Variants in ETS1 observed in about 807,000 individuals in gnomAD.
ETS1 encodes protein C-ets-1.
Under a neutral mutation model 58.6 loss-of-function variants are expected in ETS1, and 15 were observed. That is an observed-to-expected ratio of 0.26 (90% CI 0.17 to 0.39). The LOEUF (loss-of-function observed/expected upper bound fraction) is 0.39. ETS1 is among the 10% of genes least tolerant of loss of function. The probability of loss-of-function intolerance (pLI) is 1.00; values close to 1 mark genes in which losing one functional copy is unlikely to be tolerated. For synonymous variants in ETS1, 214 were observed against 218.2 expected, an observed-to-expected ratio of 0.98 and a Z score of 0.17; for missense variants, 417 against 610.5, an observed-to-expected ratio of 0.68 and a Z score of 3.34.
At chr11:128,585,984 CT>C (rs993557609) in intron 1 of ETS1, among the ~76,000 whole-genome samples, 3 of 152,182 alleles carry the variant, frequency 2.0e-5, no homozygotes, top group African/African-American at 4.8e-5. Context: ...GATCCCACCC[CT>C]CTACCAGCTT....
chr11:128,509,074 C>T (rs1259740351), intron 3 of ETS1, among the ~76,000 whole-genome samples: 1 of 152,158 alleles, frequency 6.6e-6, no homozygotes, highest in Non-Finnish European at 1.5e-5. Flanking sequence ...TCGGTTCACC[C>T]AGCACCCCAG....
At position 128,471,943 on chromosome 11, in the gene ETS1, T is replaced by C. The variant is rs146177375; in HGVS notation, c.1123+8248A>G. Among the ~76,000 whole-genome samples the C allele has an allele frequency of 4.6e-5, 7 of 152,340 alleles. No homozygotes were observed. The East Asian group carries it at 7.7e-4, about 17-fold the overall frequency. ...GAGAGAAATCACTAGTTAGGTATAA[T>C]AGAATCCTTGGAAGGTAGTTGAACT... On this transcript the variant is annotated intron_variant, in intron 8 of 9. Coordinates refer to ENST00000392668, the MANE Select transcript of ETS1 (RefSeq NM_001143820.2).
chr11:128,571,823 A>G (rs999904085), intron 2 of ETS1: 1 of 152,146 alleles, frequency 6.6e-6, no homozygotes, highest in Non-Finnish European at 1.5e-5. Flanking sequence ...TGGATGGATC[A>G]CCCGAGGTCA....
chr11:128,568,270 G>A (rs1490062948), intron 2 of ETS1, among the ~76,000 whole-genome samples: 1 of 152,136 alleles, frequency 6.6e-6, no homozygotes, highest in Admixed American at 6.5e-5. Flanking sequence ...TCCCAGGCTG[G>A]GCCATGTTTA....
Position 128,489,603 on chromosome 11 carries a change from T to C in ETS1, c.335-113A>G, listed in dbSNP as rs537011971. 30 of 808,564 alleles carry C rather than the reference T, an allele frequency of 3.7e-5. No homozygotes were observed. The East Asian group carries it at 7.3e-4, about 20-fold the overall frequency. The allele number at this position is 808,564 out of a possible 1,614,324, so 50.1% of individuals were successfully genotyped here. A position where few individuals can be genotyped will look rare whatever the true frequency, so the allele number is the denominator to read the frequency against. On this transcript the variant is annotated intron_variant, in intron 4 of 9. Transcript: ENST00000392668. ...TAGCTGAGAATGCTATCTTTATTCA[T>C]CGAATGAGGAAGCATCAGCCTAGCC... is the stretch of plus-strand genomic sequence containing the variant.
rs939211655 is a variant in ETS1 at position 128,463,255 on chromosome 11, C to G, written c.1242+254G>C. Among the ~76,000 whole-genome samples the G allele has an allele frequency of 6.6e-6, 1 of 152,212 alleles. No homozygotes were observed. The highest frequency in any genetic ancestry group is 2.4e-5 in the African/African-American group (1 of 41,466). ...CAGGAGGCAGCTCTATGGGTGATAACTGACCTACTGCCAGGCACGTTAATG... is the reference window on the plus strand; with the variant it reads ...CAGGAGGCAGCTCTATGGGTGATAAGTGACCTACTGCCAGGCACGTTAATG... On this transcript the variant is annotated intron_variant, in intron 9 of 9. Transcript: ENST00000392668. The surrounding 1 kb of genome is among the most constrained non-coding windows in gnomAD (Gnocchi z 4.1).
rs751923211 is a variant in ETS1, at chr11:128,485,037, T to C, written c.648A>G (p.Pro216=). Residue 216 remains proline (P), a synonymous_variant, in exon 7 of 10, where the codon CCA becomes CCG. Coordinates refer to ENST00000392668, the MANE Select transcript of ETS1 (RefSeq NM_001143820.2). ...YGIEHAQCVP[P]SEFSEPSFIT... The stretch of plus-strand genomic sequence containing the variant: ...TGAAGCTGGGCTCTGAGAACTCCGA[T>C]GGTGGAACACACTGGGCATGCTCAA... 1.2e-6 allele frequency: 2 copies of C among 1,614,012 alleles called. No individual in the cohort carries two copies. The highest frequency in any genetic ancestry group is 2.2e-5 in the East Asian group (1 of 44,884).
intron 5 of ETS1, 73 bp from the exon 6 acceptor site, chr11:128,486,219 T>C: frequency 2.2e-6 from 2 of 906,842 alleles, no homozygotes; most frequent in Admixed American, 1.9e-5. Flanking sequence ...GGATCTTGGA[T>C]GCAAAGACCA....
chr11:128,522,421 G>C (rs1451365030), intron 3 of ETS1: 2 of 893,678 alleles, frequency 2.2e-6, no homozygotes, highest in Non-Finnish European at 2.7e-6. Context: ...GCCGGGCGAT[G>C]TCCGCTTGGG....
chr11:128,503,172 T>TTTC (rs1413002888), intron 3 of ETS1, among the ~76,000 whole-genome samples: 1 of 152,254 alleles, frequency 6.6e-6, no homozygotes, highest in Non-Finnish European at 1.5e-5. Context: ...TAAGATTTTT[T>TTTC]TTCTCTTTTT....
At position 128,577,097 on chromosome 11, in the gene ETS1, C is replaced by T. The variant is rs1864766846; in HGVS notation, c.-14-3953G>A. Reference sequence around the variant, plus strand: ...TCATTTTTGTCTTCAGCACTTAAGACAGACCATGGGGCATAATGGAAACTC... The same window carrying T: ...TCATTTTTGTCTTCAGCACTTAAGATAGACCATGGGGCATAATGGAAACTC... On this transcript the variant is annotated intron_variant, in intron 1 of 9. Coordinates refer to ENST00000392668, the MANE Select transcript of ETS1 (RefSeq NM_001143820.2). Among the ~76,000 whole-genome samples, 2 of 152,166 alleles carry T rather than the reference C, an allele frequency of 1.3e-5. 1 individual carries two copies. The highest frequency in any genetic ancestry group is 4.1e-4 in the South Asian group (2 of 4,834).
intron 3 of ETS1, among the ~76,000 whole-genome samples, chr11:128,513,371 G>A (rs1425072807): frequency 2.0e-5 from 3 of 152,168 alleles, no homozygotes. Context: ...AAAATGAGGT[G>A]CATAAAAATG....
At chr11:128,551,299 G>A (rs1439566368) in intron 3 of ETS1, among the ~76,000 whole-genome samples, 1 of 152,184 alleles carries the variant, frequency 6.6e-6, no homozygotes, top group Non-Finnish European at 1.5e-5. Flanking sequence ...TGTGCTTCCT[G>A]CTGAGACATC....
At chr11:128,479,325 C>A (rs978909476) in intron 8 of ETS1, among the ~76,000 whole-genome samples, 5 of 152,196 alleles carry the variant, frequency 3.3e-5, no homozygotes, top group Non-Finnish European at 5.9e-5. Flanking sequence ...TCTGAGTAAT[C>A]AAAGCTACTT....
intron 2 of ETS1, among the ~76,000 whole-genome samples, chr11:128,563,947 C>G (rs866167835): frequency 6.6e-6 from 1 of 152,188 alleles, no homozygotes; most frequent in Non-Finnish European, 1.5e-5. Context: ...TTGTGCGACT[C>G]CATGCACTTC....
chr11:128,503,270 T>C (rs1863137684), intron 3 of ETS1, among the ~76,000 whole-genome samples: 1 of 152,090 alleles, frequency 6.6e-6, no homozygotes, highest in Admixed American at 6.6e-5. Context: ...AGTTAAATGT[T>C]TTATAACTTA....
Position 128,458,800 on chromosome 11 carries a change from GT to G in ETS1, c.*3560del, listed in dbSNP as rs1861832678. The G allele has an allele frequency of 6.6e-6, 1 of 152,448 alleles. No individual in the cohort carries two copies. The highest frequency in any genetic ancestry group is 1.5e-5 in the Non-Finnish European group (1 of 67,966). 9.4% of individuals were successfully genotyped at this position (152,448 alleles called of 1,614,324 possible). On this transcript the variant is annotated 3_prime_UTR_variant, in exon 10 of 10. Coordinates refer to ENST00000392668, the MANE Select transcript of ETS1 (RefSeq NM_001143820.2). The surrounding 1 kb of genome is among the most constrained non-coding windows in gnomAD (Gnocchi z 4.3). ...AATTCTTTGTTTTTAATTTCACACA[GT>G]TTAAAATACAATATGAAATCAGGCT...
intron 1 of ETS1, among the ~76,000 whole-genome samples, chr11:128,577,371 C>T (rs372064709): frequency 2.6e-5 from 4 of 152,294 alleles, no homozygotes; most frequent in South Asian, 2.1e-4. Flanking sequence ...TTCCCATCAC[C>T]GCATATGAAT....
chr11:128,528,749 GC>G (rs1863846592), intron 3 of ETS1, among the ~76,000 whole-genome samples: 1 of 152,122 alleles, frequency 6.6e-6, no homozygotes, highest in Admixed American at 6.5e-5. Flanking sequence ...ACTCAAATTT[GC>G]CCAAAGTTTA....
Sources: allele counts gnomAD v4.1 joint callset (sites outside exome capture counted in the v4.1 genomes callset), GRCh38; gene constraint gnomAD v4.1.1; non-coding constraint Gnocchi (gnomAD v3.1); transcripts MANE v1.5; gene names NCBI Gene and HGNC (gene_info 2026-07-23, HGNC 2026-07-21).